The following WBP1L variants were observed in gnomAD, a reference collection of about 807,000 sequenced individuals.
WBP1L encodes the protein WW domain binding protein 1 like.
In WBP1L, 17 loss-of-function variants were observed where a neutral mutation model predicts 33.7. The ratio of observed to expected loss-of-function variants is 0.50; its 90% CI spans 0.34 to 0.76. The LOEUF (loss-of-function observed/expected upper bound fraction) is 0.76. WBP1L is among the 30% of genes least tolerant of loss of function. The pLI is 0.01. For missense variants in WBP1L, 389 were observed against 469.4 expected (o/e 0.83, Z 1.58); for synonymous variants, 173 against 190.8 (o/e 0.91, Z 0.77).
intron 1 of WBP1L, among the ~76,000 whole-genome samples, chr10:102,769,574 G>A (rs1204468482): frequency 1.3e-5 from 2 of 152,096 alleles, no homozygotes; most frequent in East Asian, 3.9e-4. Flanking sequence ...GGGTGGACTG[G>A]ATGCAACTGT....
chr10:102,775,146 C>T lies in WBP1L; in HGVS notation c.91-22847C>T, dbSNP rs887059779. Among the ~76,000 whole-genome samples the T allele has an allele frequency of 1.9e-3, 239 of 125,750 alleles. 1 individual carries two copies. Among genetic ancestry groups the T allele is most frequent in the Middle Eastern group, 0.013 (3 of 238 alleles). 82.5% of individuals were successfully genotyped at this position (125,750 alleles called of 152,430 possible). A position where few individuals can be genotyped will look rare whatever the true frequency, so the allele number is the denominator to read the frequency against. On this transcript the variant is annotated intron_variant, in intron 1 of 3. Transcript: ENST00000448841. ...AAAAAAAAAAAAAAAAAAAAAGTAA[C>T]TTTCGATTTATAAAGCTCCTCTGAA...
intron 2 of WBP1L, among the ~76,000 whole-genome samples, chr10:102,807,299 A>T (rs181112663): frequency 1.3e-5 from 1 of 77,946 alleles, no homozygotes; most frequent in Non-Finnish European, 3.5e-5. Flanking sequence ...AGGAAATAGA[A>T]CAAAGGAGCA....
intron 1 of WBP1L, among the ~76,000 whole-genome samples, chr10:102,761,134 T>C (rs181141583): frequency 0.21 from 31,179 of 149,996 alleles, 3,418 homozygotes; most frequent in Middle Eastern, 0.32. Flanking sequence ...TTTTTTTTTT[T>C]TTTTCTTTTC....
intron 1 of WBP1L, among the ~76,000 whole-genome samples, chr10:102,748,351 C>T (rs1294485449): frequency 6.6e-6 from 1 of 152,070 alleles, no homozygotes; most frequent in Non-Finnish European, 1.5e-5. Flanking sequence ...CAATGGTATA[C>T]CCTTTGGTTC....
chr10:102,770,204 T>G (rs1843169306), intron 1 of WBP1L, among the ~76,000 whole-genome samples: 1 of 152,236 alleles, frequency 6.6e-6, no homozygotes, highest in Admixed American at 6.5e-5. Context: ...TAACTTTTGT[T>G]GTGACACTCA....
chr10:102,797,180 A>G (rs1316638328), intron 1 of WBP1L, among the ~76,000 whole-genome samples: 1 of 152,238 alleles, frequency 6.6e-6, no homozygotes, highest in Admixed American at 6.5e-5. Context: ...TTAGGATCAC[A>G]CTGTGAATTA....
At chr10:102,767,407 A>T (rs1363058790) in intron 1 of WBP1L, among the ~76,000 whole-genome samples, 1 of 152,188 alleles carries the variant, frequency 6.6e-6, no homozygotes, top group Admixed American at 6.6e-5. Flanking sequence ...CTGTAGTCCC[A>T]GTTACTCAGG....
In WBP1L at chr10:102,812,641, C is replaced by G; in HGVS notation, c.402C>G (p.Asn134Lys). ...TACCTCCTTATGAGGAAGTGGTGAA[C>G]CGACCTCCAACTCCTCCCCCACCAT... ...YLLPPYEEVV[N>K]RPPTPPPPYS... The change falls in exon 4 of 4, where the codon AAC becomes AAG. Residue 134 changes from asparagine (N) to lysine (K), a missense_variant. Physicochemically the swap from Asn to Lys is moderately conservative, Grantham distance 94 (BLOSUM62 0). Coordinates refer to ENST00000448841, the MANE Select transcript of WBP1L (RefSeq NM_001083913.2). The G allele has an allele frequency of 6.2e-7, 1 of 1,601,884 alleles. No individual in the cohort carries two copies.
At chr10:102,811,079 G>A (rs929943504) in intron 3 of WBP1L, among the ~76,000 whole-genome samples, 4 of 151,906 alleles carry the variant, frequency 2.6e-5, no homozygotes, top group Non-Finnish European at 4.4e-5. Context: ...GCCAGGTACT[G>A]TGCTAAGCAC....
intron 1 of WBP1L, among the ~76,000 whole-genome samples, chr10:102,754,502 G>A (rs1047911898): frequency 1.3e-5 from 2 of 151,742 alleles, no homozygotes; most frequent in South Asian, 4.2e-4. Flanking sequence ...AGGTTCAAGC[G>A]ATTCTCCTGC....
intron 3 of WBP1L, 39 bp downstream of exon 3, chr10:102,810,093 TCAGGTGCA>T: frequency 6.4e-7 from 1 of 1,573,236 alleles, no homozygotes; most frequent in Non-Finnish European, 8.6e-7. Flanking sequence ...CCTCAGGAGC[TCAGGTGCA>T]CAGACCCAGG....
intron 1 of WBP1L, among the ~76,000 whole-genome samples, chr10:102,752,104 T>C (rs559383942): frequency 3.9e-5 from 6 of 152,130 alleles, no homozygotes; most frequent in Non-Finnish European, 8.8e-5. Context: ...CCAGAGGACA[T>C]TAGTCACTGT....
intron 1 of WBP1L, among the ~76,000 whole-genome samples, chr10:102,753,104 A>G (rs1269897056): frequency 1.3e-5 from 2 of 152,122 alleles, no homozygotes; most frequent in African/African-American, 4.8e-5. Flanking sequence ...CCTTGCTCCT[A>G]CTACCCCATT....
chr10:102,777,807 C>T (rs138273840), intron 1 of WBP1L, among the ~76,000 whole-genome samples: 12 of 152,200 alleles, frequency 7.9e-5, no homozygotes, highest in East Asian at 7.8e-4. Context: ...TCCGGTGATC[C>T]GGCCACCTCA....
At chr10:102,750,460 T>C (rs1049811413) in intron 1 of WBP1L, among the ~76,000 whole-genome samples, 1 of 152,086 alleles carries the variant, frequency 6.6e-6, no homozygotes, top group Non-Finnish European at 1.5e-5. Context: ...TTTTAAAGTA[T>C]ACATAAATTG....
intron 2 of WBP1L, among the ~76,000 whole-genome samples, chr10:102,799,551 G>T (rs886332441): frequency 2.0e-5 from 3 of 152,138 alleles, no homozygotes; most frequent in African/African-American, 7.2e-5. Context: ...AGGGTGTTGG[G>T]GGGGTGGTGC....
In WBP1L at chr10:102,813,438, G is replaced by T. The variant is rs1003155801; in HGVS notation, c.*107G>T. The T allele has an allele frequency of 7.1e-7, 1 of 1,417,626 alleles. No individual in the cohort carries two copies. The highest frequency in any genetic ancestry group is 9.3e-7 in the Non-Finnish European group (1 of 1,073,538). The allele number at this position is 1,417,626 out of a possible 1,614,324, so 87.8% of individuals were successfully genotyped here. A position where few individuals can be genotyped will look rare whatever the true frequency, so the allele number is the denominator to read the frequency against. ...AAAGACTTTCAGAGTACAGCCACTT[G>T]GTTCCTTTTTGTTTGTTTTCCTTCT... On this transcript the variant is annotated 3_prime_UTR_variant, in exon 4 of 4. Transcript: ENST00000448841.
chr10:102,799,509 G>A (rs7088711), intron 2 of WBP1L, among the ~76,000 whole-genome samples: 78,651 of 151,832 alleles, frequency 0.52, 21,407 homozygotes, highest in Middle Eastern at 0.63. Flanking sequence ...GAACTCAGAC[G>A]AGACAGTGTA....
intron 1 of WBP1L, among the ~76,000 whole-genome samples, chr10:102,746,600 G>C: frequency 1.6e-5 from 1 of 62,334 alleles, no homozygotes; most frequent in Admixed American, 1.7e-4. Context: ...GTATTTTTTT[G>C]GGTTTTTTTG....
Sources: allele counts gnomAD v4.1 joint callset (sites outside exome capture counted in the v4.1 genomes callset), GRCh38; gene constraint gnomAD v4.1.1; transcripts MANE v1.5; gene names NCBI Gene and HGNC (gene_info 2026-07-23, HGNC 2026-07-21).